PDZRN4: variants seen among roughly 807,000 people sequenced by gnomAD.
PDZRN4 encodes PDZ domain-containing RING finger protein 4.
In PDZRN4, 70 loss-of-function variants were observed where a neutral mutation model predicts 99.0. The observed-to-expected ratio is 0.71, with a 90% CI of 0.58 to 0.86. The LOEUF (loss-of-function observed/expected upper bound fraction) is 0.86. Among genes scored for constraint, PDZRN4 ranks in the 40% least tolerant of loss-of-function variants. The pLI, the probability that PDZRN4 is intolerant of heterozygous loss-of-function variation, is 0.00. For missense variants in PDZRN4, 1,474 were observed against 1,331.2 expected (o/e 1.11, Z -1.67); for synonymous variants, 551 against 501.6 (o/e 1.10, Z -1.32).
chr12:41,203,797 G>T (rs1950831929), intron 3 of PDZRN4, among the ~76,000 whole-genome samples: 1 of 152,020 alleles, frequency 6.6e-6, no homozygotes, highest in African/African-American at 2.4e-5. Flanking sequence ...GTTGAAGCCA[G>T]ACTTTGAAGA....
intron 3 of PDZRN4, among the ~76,000 whole-genome samples, chr12:41,292,440 T>C (rs1312229480): frequency 6.6e-6 from 1 of 152,126 alleles, no homozygotes; most frequent in Non-Finnish European, 1.5e-5. Flanking sequence ...AAAAGGGCCC[T>C]GTAAGAAATG....
intron 3 of PDZRN4, among the ~76,000 whole-genome samples, chr12:41,219,586 A>G (rs1362028257): frequency 6.6e-6 from 1 of 152,114 alleles, no homozygotes; most frequent in African/African-American, 2.4e-5. Flanking sequence ...AATACTTGAA[A>G]GAAATATGTG....
At chr12:41,350,793 C>T (rs1020173733) in intron 3 of PDZRN4, among the ~76,000 whole-genome samples, 1 of 152,100 alleles carries the variant, frequency 6.6e-6, no homozygotes, top group Non-Finnish European at 1.5e-5. Flanking sequence ...CTTATATCCA[C>T]TTTATGAATC....
chr12:41,459,461 G>A (rs1952849330), intron 3 of PDZRN4, among the ~76,000 whole-genome samples: 1 of 152,192 alleles, frequency 6.6e-6, no homozygotes, highest in Admixed American at 6.5e-5. Flanking sequence ...GAAATTGGAA[G>A]CATGCCTTTG....
chr12:41,343,655 C>A (rs80018816), intron 3 of PDZRN4, among the ~76,000 whole-genome samples: 2,928 of 151,880 alleles, frequency 0.019, 72 homozygotes, highest in African/African-American at 0.063. Flanking sequence ...GGAATAAGTT[C>A]TGGTGTTCTA....
At chr12:41,263,809 A>C (rs1951259853) in intron 3 of PDZRN4, among the ~76,000 whole-genome samples, 1 of 152,196 alleles carries the variant, frequency 6.6e-6, no homozygotes, top group Admixed American at 6.5e-5. Context: ...ACTAGTATAA[A>C]CTATACAATA....
intron 3 of PDZRN4, among the ~76,000 whole-genome samples, chr12:41,205,893 C>T (rs1950846771): frequency 2.0e-5 from 3 of 151,888 alleles, no homozygotes; most frequent in Admixed American, 6.6e-5. Context: ...TCCTTCATTA[C>T]CTTCTTCTAC....
chr12:41,438,654 A>G (rs1453505649), intron 3 of PDZRN4, among the ~76,000 whole-genome samples: 2 of 152,316 alleles, frequency 1.3e-5, no homozygotes, highest in Middle Eastern at 6.8e-3. Context: ...TTATTACAAC[A>G]ACTGTAGGTG....
intron 5 of PDZRN4, among the ~76,000 whole-genome samples, chr12:41,551,294 C>T (rs577562289): frequency 4.6e-5 from 7 of 152,042 alleles, no homozygotes; most frequent in African/African-American, 1.7e-4. Flanking sequence ...GCAGTTCTTA[C>T]GACCTACCAA....
intron 3 of PDZRN4, among the ~76,000 whole-genome samples, chr12:41,384,024 A>G (rs1952146603): frequency 1.0e-5 from 1 of 96,032 alleles, no homozygotes; most frequent in African/African-American, 4.5e-5. Flanking sequence ...TTTTTTTGAG[A>G]CGGAATCTCT....
chr12:41,435,369 CT>C (rs1952619409), intron 3 of PDZRN4, among the ~76,000 whole-genome samples: 1 of 152,178 alleles, frequency 6.6e-6, no homozygotes, highest in Non-Finnish European at 1.5e-5. Flanking sequence ...AAATTTCTTA[CT>C]TGGCTTTCAT....
intron 3 of PDZRN4, among the ~76,000 whole-genome samples, chr12:41,237,207 T>G (rs548651697): frequency 3.3e-5 from 5 of 152,236 alleles, no homozygotes; most frequent in Non-Finnish European, 7.4e-5. Context: ...ATCTAGAGTT[T>G]TCAAATGGAC....
intron 3 of PDZRN4, among the ~76,000 whole-genome samples, chr12:41,361,847 G>C (rs966334743): frequency 6.6e-6 from 1 of 151,990 alleles, no homozygotes; most frequent in Non-Finnish European, 1.5e-5. Context: ...GATGAATCTG[G>C]CACAGCTCTG....
At chr12:41,560,733 G>A (rs1040932998) in intron 7 of PDZRN4, among the ~76,000 whole-genome samples, 3 of 152,126 alleles carry the variant, frequency 2.0e-5, no homozygotes, top group Non-Finnish European at 4.4e-5. Context: ...CATTATTTCA[G>A]GACCAAGAGC....
chr12:41,534,902 C>T (rs2120749874), intron 5 of PDZRN4, among the ~76,000 whole-genome samples: 1 of 152,136 alleles, frequency 6.6e-6, no homozygotes, highest in African/African-American at 2.4e-5. Context: ...TTCCTAACTA[C>T]TATCTCCTAG....
intron 3 of PDZRN4, among the ~76,000 whole-genome samples, chr12:41,354,263 G>A (rs578137269): frequency 6.6e-5 from 10 of 152,048 alleles, no homozygotes; most frequent in Non-Finnish European, 7.4e-5. Context: ...GAATTGTAGA[G>A]TATTGGTCCT....
chr12:41,544,457 A>G (rs141740323), intron 5 of PDZRN4, among the ~76,000 whole-genome samples: 122 of 152,318 alleles, frequency 8.0e-4, no homozygotes, highest in Non-Finnish European at 1.4e-3. Context: ...GGGGCTTCTC[A>G]TAAGCTCTCA....
At chr12:41,568,081 T>A (rs1034430060) in intron 9 of PDZRN4, among the ~76,000 whole-genome samples, 182 bp downstream of exon 9, 7 of 152,162 alleles carry the variant, frequency 4.6e-5, no homozygotes, top group Non-Finnish European at 1.0e-4. Flanking sequence ...TGTTTTTCCA[T>A]TAAGAATATA....
intron 3 of PDZRN4, among the ~76,000 whole-genome samples, chr12:41,426,921 G>A (rs1952541790): frequency 6.6e-6 from 1 of 152,162 alleles, no homozygotes; most frequent in Non-Finnish European, 1.5e-5. Context: ...TAACTCAGAA[G>A]CCCTAGGAAT....
Sources: gnomAD v4.1 joint callset for allele counts (sites outside exome capture counted in the v4.1 genomes callset) on GRCh38, gnomAD v4.1.1 for gene constraint, MANE v1.5 for transcripts, NCBI Gene and HGNC (gene_info 2026-07-23, HGNC 2026-07-21) for gene names.